The following FHIP1A variants were observed in gnomAD, a reference collection of about 807,000 sequenced individuals.
FHIP1A encodes the protein FHF complex subunit HOOK interacting protein 1A.
Under a neutral mutation model 88.6 loss-of-function variants are expected in FHIP1A, and 61 were observed. That is an observed-to-expected ratio of 0.69 (90% CI 0.56 to 0.85). FHIP1A has a LOEUF of 0.85. Among genes scored for constraint, FHIP1A ranks in the 40% least tolerant of loss-of-function variants. FHIP1A has a pLI of 0.00. For missense variants in FHIP1A, 1,154 were observed against 1,273.5 expected, an observed-to-expected ratio of 0.91 and a Z score of 1.43; for synonymous variants, 478 against 496.0, an observed-to-expected ratio of 0.96 and a Z score of 0.48.
intron 7 of FHIP1A, among the ~76,000 whole-genome samples, chr4:151,628,640 G>A (rs748499946): frequency 2.0e-5 from 3 of 152,200 alleles, no homozygotes; most frequent in African/African-American, 7.2e-5. Flanking sequence ...CACTCAAAAA[G>A]TATTGCCATC....
At chr4:151,507,460 G>A (rs1992517) in intron 3 of FHIP1A, among the ~76,000 whole-genome samples, 18,890 of 152,042 alleles carry the variant, frequency 0.12, 1,292 homozygotes, top group African/African-American at 0.17. Flanking sequence ...GTTAGAACAT[G>A]TTATCTATTA....
intron 1 of FHIP1A, among the ~76,000 whole-genome samples, chr4:151,432,519 C>G (rs942417061): frequency 2.0e-5 from 3 of 152,178 alleles, no homozygotes; most frequent in Non-Finnish European, 4.4e-5. Context: ...AAGACCTGCT[C>G]TTCAGAGAAT....
At chr4:151,610,024 T>C (rs1045435088) in intron 7 of FHIP1A, among the ~76,000 whole-genome samples, 1 of 152,204 alleles carries the variant, frequency 6.6e-6, no homozygotes, top group African/African-American at 2.4e-5. Flanking sequence ...GTGAGTAAGT[T>C]TTTTGTGAAG....
chr4:151,598,548 A>G (rs1001634286), intron 7 of FHIP1A, among the ~76,000 whole-genome samples: 3 of 152,158 alleles, frequency 2.0e-5, no homozygotes, highest in African/African-American at 7.2e-5. Context: ...TTCTTTGTGC[A>G]TTCTCTCAGC....
chr4:151,624,270 T>A (rs1735860251), intron 7 of FHIP1A, among the ~76,000 whole-genome samples: 1 of 152,114 alleles, frequency 6.6e-6, no homozygotes, highest in Non-Finnish European at 1.5e-5. Flanking sequence ...TACCTCAAAT[T>A]TGGGCCAGTT....
intron 7 of FHIP1A, among the ~76,000 whole-genome samples, chr4:151,615,136 A>T (rs2045128020): frequency 6.6e-6 from 1 of 152,210 alleles, no homozygotes. Context: ...TTGAACTCTT[A>T]CAATGGGAGA....
At chr4:151,652,890 G>C (rs1037784777) in intron 11 of FHIP1A, among the ~76,000 whole-genome samples, 4 of 152,248 alleles carry the variant, frequency 2.6e-5, no homozygotes, top group African/African-American at 9.6e-5. Context: ...GCCAAGCCAA[G>C]GAATGGAAAC....
chr4:151,424,584 A>T (rs1208635530), intron 1 of FHIP1A, among the ~76,000 whole-genome samples: 1 of 152,196 alleles, frequency 6.6e-6, no homozygotes, highest in Non-Finnish European at 1.5e-5. Flanking sequence ...ATAAACCCTA[A>T]GGACTACATC....
chr4:151,610,478 T>C (rs1180989521), intron 7 of FHIP1A, among the ~76,000 whole-genome samples: 1 of 152,198 alleles, frequency 6.6e-6, no homozygotes, highest in Non-Finnish European at 1.5e-5. Flanking sequence ...ATCAGGTTTA[T>C]TAGGAGAAAT....
chr4:151,511,083 T>A (rs1731010660), intron 3 of FHIP1A, among the ~76,000 whole-genome samples: 1 of 152,192 alleles, frequency 6.6e-6, no homozygotes, highest in Non-Finnish European at 1.5e-5. Context: ...AGACCCTGAA[T>A]TCCAGCCTGA....
intron 7 of FHIP1A, among the ~76,000 whole-genome samples, chr4:151,610,715 C>T (rs1433509254): frequency 6.6e-6 from 1 of 152,060 alleles, no homozygotes; most frequent in Non-Finnish European, 1.5e-5. Context: ...TACATTTATC[C>T]AAATCTTCTC....
intron 3 of FHIP1A, among the ~76,000 whole-genome samples, chr4:151,552,106 G>A (rs1732759499): frequency 6.6e-6 from 1 of 152,204 alleles, no homozygotes; most frequent in South Asian, 2.1e-4. Flanking sequence ...TCTGAGAAAT[G>A]CAAATCAAAA....
chr4:151,657,816 T>G (rs546938479), intron 13 of FHIP1A, among the ~76,000 whole-genome samples: 108 of 152,334 alleles, frequency 7.1e-4, no homozygotes, highest in Non-Finnish European at 1.4e-3. Flanking sequence ...TTGTTCCACC[T>G]TTCAAAGAAG....
rs777025935 is a variant in FHIP1A, at chr4:151,588,859, GA to G, written c.914del (p.Asn305IlefsTer23). ...TCTCAGGTGGCTCACCCCTTGATTCGAAATCAGCTTGTCAATTACATTTACA... is the reference window on the plus strand; with the variant it reads ...TCTCAGGTGGCTCACCCCTTGATTCGAATCAGCTTGTCAATTACATTTACA... ...AVIQVAHPLI[R>X]NQLVNYIYNG... On this transcript the variant is annotated frameshift_variant, in exon 7 of 14. Coordinates refer to ENST00000435205, the MANE Select transcript of FHIP1A (RefSeq NM_001109977.3). LOFTEE classifies it high-confidence loss of function. 1 of 1,551,098 alleles carries G rather than the reference GA, an allele frequency of 6.4e-7. No homozygotes were observed. The highest frequency in any genetic ancestry group is 1.2e-5 in the South Asian group (1 of 84,046).
At chr4:151,652,585 T>C (rs899256463) in intron 11 of FHIP1A, among the ~76,000 whole-genome samples, 1 of 152,216 alleles carries the variant, frequency 6.6e-6, no homozygotes, top group Non-Finnish European at 1.5e-5. Context: ...CACAGACTTT[T>C]AGAGGAGACC....
intron 7 of FHIP1A, among the ~76,000 whole-genome samples, chr4:151,616,444 C>CTTTTTTTTTTTTTT (rs763599410): frequency 6.2e-5 from 7 of 113,386 alleles, no homozygotes; most frequent in African/African-American, 1.3e-4. Flanking sequence ...TTCTTTCTTT[C>CTTTTTTTTTTTTTT]TTTTTTTTTT....
At chr4:151,625,235 C>A (rs2126870695) in intron 7 of FHIP1A, among the ~76,000 whole-genome samples, 1 of 152,328 alleles carries the variant, frequency 6.6e-6, no homozygotes, top group South Asian at 2.1e-4. Context: ...TGATGACTCA[C>A]TGATAACCCA....
Position 151,662,920 on chromosome 4 carries a change from C to G in FHIP1A, c.*166C>G. 1.5e-6 allele frequency: 1 copy of G among 653,554 alleles called. No homozygotes were observed. 40.5% of individuals were successfully genotyped at this position (653,554 alleles called of 1,614,324 possible). A position where few individuals can be genotyped will look rare whatever the true frequency, so the allele number is the denominator to read the frequency against. ...TGTATCTTTCCTCTCTCTCTCTAGC[C>G]GGGCCTTTCCACCTTATGTTATATA... is the stretch of plus-strand genomic sequence containing the variant. On this transcript the variant is annotated 3_prime_UTR_variant, in exon 14 of 14. Transcript: ENST00000435205.
At chr4:151,641,903 G>A (rs1736600880) in intron 9 of FHIP1A, among the ~76,000 whole-genome samples, 2 of 152,174 alleles carry the variant, frequency 1.3e-5, no homozygotes, top group African/African-American at 4.8e-5. Context: ...AGGCAGTAGA[G>A]CTGTGAAGAT....
Sources: allele counts gnomAD v4.1 joint callset (sites outside exome capture counted in the v4.1 genomes callset), GRCh38; gene constraint gnomAD v4.1.1; transcripts MANE v1.5; gene names NCBI Gene and HGNC (gene_info 2026-07-23, HGNC 2026-07-21).